Variants in WDFY3 observed in about 807,000 individuals in gnomAD.
WDFY3 encodes the protein WD repeat and FYVE domain-containing protein 3.
Under a neutral mutation model 409.6 loss-of-function variants are expected in WDFY3, and 66 were observed. The observed-to-expected ratio is 0.16, with a 90% CI of 0.13 to 0.20. The LOEUF is 0.20. Among genes scored for constraint, WDFY3 ranks in the 10% least tolerant of loss-of-function variants. WDFY3 has a pLI of 1.00. For synonymous variants in WDFY3, 1,521 were observed against 1,537.1 expected, an observed-to-expected ratio of 0.99 and a Z score of 0.25; for missense variants, 3,031 against 4,298.1, an observed-to-expected ratio of 0.71 and a Z score of 8.24.
At chr4:84,732,826 G>A (rs1736824764) in intron 44 of WDFY3, among the ~76,000 whole-genome samples, 1 of 152,044 alleles carries the variant, frequency 6.6e-6, no homozygotes, top group Admixed American at 6.5e-5. Flanking sequence ...CATCAGGACT[G>A]GGGTTAAACC....
At chr4:84,935,048 G>T (rs920478903) in intron 1 of WDFY3, among the ~76,000 whole-genome samples, 1 of 152,050 alleles carries the variant, frequency 6.6e-6, no homozygotes, top group Non-Finnish European at 1.5e-5. Flanking sequence ...GCATATAGTT[G>T]TAGTTCATTC....
chr4:84,929,757 A>G (rs1770499581), intron 2 of WDFY3, among the ~76,000 whole-genome samples: 1 of 152,086 alleles, frequency 6.6e-6, no homozygotes, highest in South Asian at 2.1e-4. Flanking sequence ...TGAAAATACA[A>G]AAAATTAGCT....
chr4:84,795,067 T>C (rs962483941), intron 19 of WDFY3, 88 bp from the exon 20 acceptor site: 3 of 874,170 alleles, frequency 3.4e-6, no homozygotes, highest in Non-Finnish European at 4.7e-6. Context: ...TAACTGCCAG[T>C]ATTTAATGGT....
At chr4:84,820,060 A>G in intron 12 of WDFY3, 25 bp downstream of exon 12, 2 of 1,573,986 alleles carry the variant, frequency 1.3e-6, no homozygotes, top group Non-Finnish European at 1.7e-6. Flanking sequence ...CTCCCAAAGT[A>G]TTTGCTTGCA....
intron 12 of WDFY3, among the ~76,000 whole-genome samples, chr4:84,818,160 A>G (rs1560837770): frequency 6.6e-6 from 1 of 152,134 alleles, no homozygotes; most frequent in Non-Finnish European, 1.5e-5. Flanking sequence ...CCCCTACCAT[A>G]TAGAGGTAAG....
chr4:84,715,178 A>C (rs892664449), intron 50 of WDFY3, 120 bp downstream of exon 50: 1 of 570,654 alleles, frequency 1.8e-6, no homozygotes, highest in African/African-American at 1.9e-5. Flanking sequence ...AATATAAATT[A>C]TTTTCTTCAA....
chr4:84,794,069 A>G lies in WDFY3; in HGVS notation c.3487+450T>C, dbSNP rs138509606. ...AGTCATGGCATGTTGGAGAAAACTA[A>G]GGAATTAGAATTATAAAATAGTATG... is the stretch of plus-strand genomic sequence containing the variant. On this transcript the variant is annotated intron_variant, in intron 21 of 67. Coordinates refer to ENST00000295888, the MANE Select transcript of WDFY3 (RefSeq NM_014991.6). Among the ~76,000 whole-genome samples the G allele has an allele frequency of 7.5e-3, 1,139 of 152,352 alleles. 11 individuals are homozygous for G. Among genetic ancestry groups the G allele is most frequent in the African/African-American group, 0.026 (1,078 of 41,596 alleles).
chr4:84,767,749 T>C (rs1444337332), intron 30 of WDFY3, among the ~76,000 whole-genome samples: 2 of 152,100 alleles, frequency 1.3e-5, no homozygotes, highest in Non-Finnish European at 2.9e-5. Flanking sequence ...GCCTGAACTC[T>C]CTTCAACTCT....
intron 3 of WDFY3, among the ~76,000 whole-genome samples, chr4:84,871,053 A>G (rs558655663): frequency 2.0e-5 from 3 of 152,312 alleles, no homozygotes; most frequent in African/African-American, 7.2e-5. Context: ...ATTTAAAGTA[A>G]TAATGACAAA....
rs139234296 is a variant in WDFY3, at chr4:84,794,502, C to CA, written c.3487+16dup. On this transcript the variant is annotated intron_variant, in intron 21 of 67. Coordinates refer to ENST00000295888, the MANE Select transcript of WDFY3 (RefSeq NM_014991.6). ...TACTTCTATAATCAAAAGAAGAAAA[C>CA]AAAAAAAAATACTGACCATAATTTT... 11,581 of 1,561,532 alleles carry CA rather than the reference C, an allele frequency of 7.4e-3. 510 individuals carry two copies. The African/African-American group carries it at 0.13, about 18-fold the overall frequency.
intron 54 of WDFY3, 121 bp from the exon 55 acceptor site, chr4:84,704,565 GTAC>G: frequency 3.0e-6 from 2 of 664,868 alleles, no homozygotes; most frequent in Non-Finnish European, 4.9e-6. Context: ...AATGCAATTA[GTAC>G]TGGCATTTGC....
chr4:84,841,080 T>C (rs1757282866), intron 6 of WDFY3, 74 bp downstream of exon 6: 1 of 1,195,596 alleles, frequency 8.4e-7, no homozygotes. Context: ...TAATGATGAA[T>C]TTAATAATAA....
Position 84,740,287 on chromosome 4 carries a change from C to T in WDFY3, c.6364G>A (p.Val2122Ile). 1 of 1,613,946 alleles carries T rather than the reference C, an allele frequency of 6.2e-7. No individual in the cohort carries two copies. The highest frequency in any genetic ancestry group is 8.5e-7 in the Non-Finnish European group (1 of 1,180,000). Reference sequence around the variant, plus strand: ...ATCAAGTTTCTGTTTACAGTGAGGACCCTGAGTGAATCAAGCAGAGCTACT... The same window carrying T: ...ATCAAGTTTCTGTTTACAGTGAGGATCCTGAGTGAATCAAGCAGAGCTACT... ...QQVALLDSLR[V>I]LTVNRNLILG... is the part of the protein sequence containing the mutation. Residue 2122 changes from valine to isoleucine, a missense_variant, in exon 39 of 68, where the codon GTC (valine) becomes ATC (isoleucine). Transcript: ENST00000295888.
intron 41 of WDFY3, 62 bp downstream of exon 41, chr4:84,737,122 G>A: frequency 6.4e-7 from 1 of 1,559,282 alleles, no homozygotes; most frequent in Non-Finnish European, 8.8e-7. Flanking sequence ...CATATTTAAA[G>A]TATACCCATA....
chr4:84,907,457 C>G (rs891094421), intron 2 of WDFY3, among the ~76,000 whole-genome samples: 10 of 152,100 alleles, frequency 6.6e-5, no homozygotes, highest in Non-Finnish European at 1.5e-4. Context: ...CTGCTGACAG[C>G]TAGTAAGAAA....
At chr4:84,934,579 G>A (rs1344660727) in intron 1 of WDFY3, among the ~76,000 whole-genome samples, 1 of 152,088 alleles carries the variant, frequency 6.6e-6, no homozygotes, top group African/African-American at 2.4e-5. Context: ...AGGAATTCAG[G>A]TGGCAGTAGA....
chr4:84,827,790 A>C (rs538364262), intron 9 of WDFY3, among the ~76,000 whole-genome samples: 1 of 152,292 alleles, frequency 6.6e-6, no homozygotes, highest in African/African-American at 2.4e-5. Context: ...TCTAATATCA[A>C]CTAGCAGCAA....
chr4:84,923,439 T>C (rs1477299061), intron 2 of WDFY3, among the ~76,000 whole-genome samples: 1 of 152,204 alleles, frequency 6.6e-6, no homozygotes, highest in Non-Finnish European at 1.5e-5. Flanking sequence ...ATTCAGTATA[T>C]AAGTGTTTGT....
intron 3 of WDFY3, among the ~76,000 whole-genome samples, chr4:84,879,027 T>A (rs1763144156): frequency 6.6e-6 from 1 of 152,176 alleles, no homozygotes; most frequent in Admixed American, 6.5e-5. Flanking sequence ...TTCAAACAGA[T>A]CAGAATACAA....
Sources: gnomAD v4.1 joint callset for allele counts (sites outside exome capture counted in the v4.1 genomes callset) on GRCh38, gnomAD v4.1.1 for gene constraint, MANE v1.5 for transcripts, NCBI Gene and HGNC (gene_info 2026-07-23, HGNC 2026-07-21) for gene names.